The following DEPTOR variants were observed in gnomAD, a reference collection of about 807,000 sequenced individuals.
DEPTOR encodes DEP domain containing MTOR interacting protein.
DEPTOR carries 41 observed loss-of-function variants against 41.6 expected under a neutral mutation model. That is an observed-to-expected ratio of 0.98 (90% CI 0.77 to 1.28). The LOEUF is 1.28. DEPTOR is among the 50% of genes most tolerant of loss of function. The pLI is 0.00. For missense variants in DEPTOR, 514 were observed against 527.9 expected (o/e 0.97, Z 0.26); for synonymous variants, 195 against 192.3 (o/e 1.01, Z -0.12).
intron 8 of DEPTOR, among the ~76,000 whole-genome samples, chr8:120,043,278 C>T (rs1006811345): frequency 2.0e-5 from 3 of 151,716 alleles, no homozygotes; most frequent in African/African-American, 7.3e-5. Context: ...CGTGACTGGC[C>T]CTAATAGCCT....
chr8:119,961,676 C>T (rs1295891405), intron 3 of DEPTOR, among the ~76,000 whole-genome samples: 2 of 152,130 alleles, frequency 1.3e-5, no homozygotes, highest in Admixed American at 1.3e-4. Context: ...CTGAAAGCTG[C>T]AGTTCCATTT....
At chr8:120,009,996 T>C (rs1323773193) in intron 8 of DEPTOR, among the ~76,000 whole-genome samples, 2 of 152,204 alleles carry the variant, frequency 1.3e-5, no homozygotes, top group Admixed American at 6.6e-5. Context: ...GTGGGGTTTA[T>C]GTAACCGGTA....
intron 5 of DEPTOR, 122 bp downstream of exon 5, chr8:120,001,832 C>T (rs1282763847): frequency 1.7e-6 from 2 of 1,211,184 alleles, no homozygotes; most frequent in African/African-American, 3.1e-5. Context: ...TTATTCATAA[C>T]CAAGAAGCAT....
intron 4 of DEPTOR, among the ~76,000 whole-genome samples, chr8:119,988,456 G>A (rs60497698): frequency 0.29 from 43,484 of 151,954 alleles, 6,489 homozygotes; most frequent in South Asian, 0.39. Flanking sequence ...GTTCCTGTTC[G>A]GCCATCTTGC....
rs149372282 is a variant in DEPTOR, at chr8:119,942,958, G to A, written c.425+13020G>A. ...AAAGTATCCTTGTGCTACCCAAGCT[G>A]CATAAAAAACACATGCCTTCCTATA... On this transcript the variant is annotated intron_variant, in intron 3 of 8. Transcript: ENST00000286234. 9.2e-5 allele frequency among the ~76,000 whole-genome samples: 14 copies of A among 152,334 alleles called. No individual in the cohort carries two copies. In the East Asian group the frequency reaches 2.5e-3, roughly 27 times the overall value.
chr8:120,030,496 A>AGTTTTTTTTTTTTTTTTTT (rs1812870563), intron 8 of DEPTOR, among the ~76,000 whole-genome samples: 1 of 30,908 alleles, frequency 3.2e-5, no homozygotes, highest in Non-Finnish European at 7.0e-5. Context: ...TAGGTTCATC[A>AGTTTTTTTTTTTTTTTTTT]GTTTTTTTTT....
intron 1 of DEPTOR, among the ~76,000 whole-genome samples, chr8:119,905,201 C>T (rs1163387202): frequency 2.0e-5 from 3 of 152,032 alleles, no homozygotes; most frequent in Non-Finnish European, 4.4e-5. Context: ...GGAATCTTGT[C>T]CGCAAGAAGC....
intron 3 of DEPTOR, among the ~76,000 whole-genome samples, chr8:119,955,002 G>A (rs540682674): frequency 6.6e-6 from 1 of 152,180 alleles, no homozygotes; most frequent in East Asian, 1.9e-4. Context: ...GGGATTACAG[G>A]TGCCCGCCAC....
intron 8 of DEPTOR, among the ~76,000 whole-genome samples, chr8:120,013,173 A>AC (rs1812558810): frequency 6.6e-6 from 1 of 151,702 alleles, no homozygotes; most frequent in Non-Finnish European, 1.5e-5. Flanking sequence ...AAAAAAAAAA[A>AC]AAGATGATGG....
chr8:120,046,756 G>C (rs952931554), intron 8 of DEPTOR, among the ~76,000 whole-genome samples: 1 of 151,962 alleles, frequency 6.6e-6, no homozygotes, highest in Non-Finnish European at 1.5e-5. Context: ...TTCATCTGTT[G>C]ACAAACATTG....
intron 1 of DEPTOR, among the ~76,000 whole-genome samples, chr8:119,899,972 A>C (rs1201158348): frequency 1.3e-5 from 2 of 152,138 alleles, no homozygotes. Flanking sequence ...AAGAACCATA[A>C]TTAACACAGA....
chr8:119,884,309 C>T (rs1183242535), intron 1 of DEPTOR, among the ~76,000 whole-genome samples: 4 of 152,164 alleles, frequency 2.6e-5, no homozygotes, highest in Admixed American at 6.6e-5. Flanking sequence ...CTGCCCACCT[C>T]GGCCTCCCAA....
chr8:119,876,467 A>C (rs932296415), intron 1 of DEPTOR, among the ~76,000 whole-genome samples: 1 of 151,966 alleles, frequency 6.6e-6, no homozygotes, highest in African/African-American at 2.4e-5. Flanking sequence ...GTGAAACCTC[A>C]TCTCTACTAA....
At chr8:119,998,843 C>T (rs559193879) in intron 4 of DEPTOR, among the ~76,000 whole-genome samples, 1 of 151,176 alleles carries the variant, frequency 6.6e-6, no homozygotes, top group African/African-American at 2.4e-5. Context: ...AACTTGGACT[C>T]TGGAATCAGA....
intron 1 of DEPTOR, among the ~76,000 whole-genome samples, chr8:119,915,729 G>C (rs1827801967): frequency 6.6e-6 from 1 of 152,084 alleles, no homozygotes; most frequent in Non-Finnish European, 1.5e-5. Flanking sequence ...CAGTGATTTT[G>C]GTTATCAGTT....
intron 3 of DEPTOR, among the ~76,000 whole-genome samples, chr8:119,949,350 C>CAT: frequency 6.6e-6 from 1 of 152,174 alleles, no homozygotes; most frequent in Non-Finnish European, 1.5e-5. Flanking sequence ...GCAAGGTTTT[C>CAT]TGTGGATATA....
intron 4 of DEPTOR, among the ~76,000 whole-genome samples, chr8:119,983,445 C>A (rs1289775966): frequency 6.6e-6 from 1 of 151,950 alleles, no homozygotes; most frequent in Non-Finnish European, 1.5e-5. Flanking sequence ...AGTGGAGTGG[C>A]GCCATCTCGG....
intron 8 of DEPTOR, among the ~76,000 whole-genome samples, chr8:120,020,067 T>C (rs890609852): frequency 8.2e-6 from 1 of 121,672 alleles, no homozygotes; most frequent in African/African-American, 3.4e-5. Flanking sequence ...CCAGTTCTTC[T>C]CATTTTTTTT....
At chr8:119,900,229 AGAATAGCTT>A (rs1289366763) in intron 1 of DEPTOR, among the ~76,000 whole-genome samples, 1 of 149,262 alleles carries the variant, frequency 6.7e-6, no homozygotes, top group Non-Finnish European at 1.5e-5. Flanking sequence ...CTGAGACAGG[AGAATAGCTT>A]GAACCTGGGA....
Sources: gnomAD v4.1 joint callset for allele counts (sites outside exome capture counted in the v4.1 genomes callset) on GRCh38, gnomAD v4.1.1 for gene constraint, MANE v1.5 for transcripts, NCBI Gene and HGNC (gene_info 2026-07-23, HGNC 2026-07-21) for gene names.